Variants in DAB2IP observed in about 807,000 individuals in gnomAD.
DAB2IP encodes the protein disabled homolog 2-interacting protein.
DAB2IP carries 28 observed loss-of-function variants against 107.2 expected under a neutral mutation model. That is an observed-to-expected ratio of 0.26 (90% CI 0.19 to 0.36). The LOEUF (loss-of-function observed/expected upper bound fraction) is 0.36. DAB2IP is among the 10% of genes least tolerant of loss of function. The probability of loss-of-function intolerance (pLI) is 1.00; values close to 1 mark genes in which losing one functional copy is unlikely to be tolerated. For missense variants in DAB2IP, 1,400 were observed against 1,644.7 expected (o/e 0.85, Z 2.57); for synonymous variants, 755 against 706.4 (o/e 1.07, Z -1.09).
At chr9:121,641,823 CTCTTTCTTTCTTTTCTTTCTTTCTTTT>C (rs1253661846) in intron 1 of DAB2IP, among the ~76,000 whole-genome samples, 2 of 151,730 alleles carry the variant, frequency 1.3e-5, no homozygotes, top group Admixed American at 6.6e-5. Flanking sequence ...TTCTTCCTTC[CTCTTTCTTTCTTTTCTTTCTTTCTTTT>C]TCTTTCTTTC....
At chr9:121,602,236 C>G (rs1327306498) in intron 1 of DAB2IP, among the ~76,000 whole-genome samples, 2 of 152,180 alleles carry the variant, frequency 1.3e-5, no homozygotes, top group Admixed American at 1.3e-4. Context: ...CTGTTCCACC[C>G]ACTGGTGGGT....
Position 121,782,506 on chromosome 9 carries a change from GA to G in DAB2IP, c.*9del. ...AACAGCAGCAATTGTTAACCTGCCT[GA>G]GGAGGGAGGAAGCTACCCAAGGAGA... On this transcript the variant is annotated 3_prime_UTR_variant, in exon 16 of 16. Coordinates refer to ENST00000408936, the Ensembl canonical transcript of DAB2IP. The surrounding 1 kb of genome is among the most constrained non-coding windows in gnomAD (Gnocchi z 6.1). 6.2e-7 allele frequency: 1 copy of G among 1,613,016 alleles called. No individual in the cohort carries two copies. Among genetic ancestry groups the G allele is most frequent in the East Asian group, 2.2e-5 (1 of 44,832 alleles).
chr9:121,626,027 G>A (rs7863224), intron 1 of DAB2IP, among the ~76,000 whole-genome samples: 44,953 of 151,972 alleles, frequency 0.3, 7,475 homozygotes, highest in East Asian at 0.62. Context: ...GGGCTACAGG[G>A]CTGGGGCACA....
chr9:121,680,195 G>C (rs892142436), intron 2 of DAB2IP, among the ~76,000 whole-genome samples: 1 of 152,206 alleles, frequency 6.6e-6, no homozygotes, highest in Admixed American at 6.5e-5. Context: ...GCCTGGCCGA[G>C]TCAAGGTCAC....
chr9:121,573,221 C>A (rs1265940598), intron 1 of DAB2IP, among the ~76,000 whole-genome samples: 1 of 151,980 alleles, frequency 6.6e-6, no homozygotes, highest in Non-Finnish European at 1.5e-5. Flanking sequence ...GGATTACAGG[C>A]ATGCGTCACC....
chr9:121,719,960 G>C (rs988191753), intron 3 of DAB2IP, among the ~76,000 whole-genome samples: 5 of 152,200 alleles, frequency 3.3e-5, no homozygotes, highest in African/African-American at 1.2e-4. Context: ...TGGCCCACAA[G>C]GTTCATTGTT....
intron 2 of DAB2IP, among the ~76,000 whole-genome samples, chr9:121,680,221 C>G (rs1828513411): frequency 6.6e-6 from 1 of 152,166 alleles, no homozygotes; most frequent in Non-Finnish European, 1.5e-5. Context: ...ACCTCCAGTA[C>G]CAGGCCAAAG....
chr9:121,667,746 C>T (rs543454099), intron 1 of DAB2IP, among the ~76,000 whole-genome samples: 3 of 151,846 alleles, frequency 2.0e-5, no homozygotes, highest in African/African-American at 4.8e-5. Context: ...GATCTGCCCA[C>T]CTCGGCCTCC....
At chr9:121,571,069 C>A (rs1438327867) in intron 1 of DAB2IP, among the ~76,000 whole-genome samples, 1 of 152,076 alleles carries the variant, frequency 6.6e-6, no homozygotes. Flanking sequence ...CCCCCAGGGC[C>A]TTTGAGCATC....
Position 121,702,853 on chromosome 9 carries a change from C to T in DAB2IP, c.362+3395C>T, listed in dbSNP as rs1300895412. On this transcript the variant is annotated intron_variant, in intron 3 of 15. Transcript: ENST00000408936. The surrounding 1 kb of genome is among the most constrained non-coding windows in gnomAD (Gnocchi z 4.5). ...TTCTGGGTGACTCTAGCCCTCCACA[C>T]CTGCTGGGAATATGCTTCCTTTGGC... Among the ~76,000 whole-genome samples the T allele has an allele frequency of 1.3e-5, 2 of 152,152 alleles. No individual in the cohort carries two copies. Among genetic ancestry groups the T allele is most frequent in the Non-Finnish European group, 2.9e-5 (2 of 68,018 alleles).
rs569048014 is a variant in DAB2IP at position 121,575,903 on chromosome 9, C to T, written c.40+8675C>T. Among the ~76,000 whole-genome samples the T allele has an allele frequency of 8.4e-4, 128 of 152,058 alleles. 1 individual carries two copies. The highest frequency in any genetic ancestry group is 2.9e-3 in the African/African-American group (120 of 41,432). On this transcript the variant is annotated intron_variant, in intron 1 of 16. Coordinates refer to the DAB2IP transcript ENST00000259371. ...GCAAATGGCCAAGGTGTAGGGAGAC[C>T]CAAGGGGAAGGGTCTCTTGAGGTCC...
intron 3 of DAB2IP, among the ~76,000 whole-genome samples, chr9:121,714,849 G>T (rs1328781411): frequency 6.6e-6 from 1 of 152,258 alleles, no homozygotes; most frequent in Admixed American, 6.5e-5. Flanking sequence ...AAAGGAGTAA[G>T]CTGAGCTCTC....
At chr9:121,588,301 C>T (rs941762741) in intron 1 of DAB2IP, among the ~76,000 whole-genome samples, 12 of 151,978 alleles carry the variant, frequency 7.9e-5, no homozygotes, top group African/African-American at 2.4e-4. Context: ...GTGACCTTGC[C>T]TGATCCCTTC....
intron 3 of DAB2IP, among the ~76,000 whole-genome samples, chr9:121,747,228 A>T (rs1424627718): frequency 1.3e-5 from 2 of 152,022 alleles, no homozygotes; most frequent in African/African-American, 4.8e-5. Context: ...CCTACAGGCC[A>T]GGGAGGGCTG....
At chr9:121,688,211 T>C (rs1341115310) in intron 2 of DAB2IP, among the ~76,000 whole-genome samples, 1 of 151,948 alleles carries the variant, frequency 6.6e-6, no homozygotes, top group Non-Finnish European at 1.5e-5. Context: ...AACGATCAAG[T>C]GGTATTTTGG....
intron 1 of DAB2IP, among the ~76,000 whole-genome samples, chr9:121,583,207 C>T (rs1224716308): frequency 3.3e-5 from 5 of 152,146 alleles, no homozygotes; most frequent in Non-Finnish European, 5.9e-5. Flanking sequence ...GCCAACATGG[C>T]GAAACCCCGT....
chr9:121,653,390 G>A (rs1832840841), intron 1 of DAB2IP, among the ~76,000 whole-genome samples: 1 of 152,022 alleles, frequency 6.6e-6, no homozygotes. Context: ...GCTTAGTACT[G>A]TTAATTCTGT....
intron 2 of DAB2IP, among the ~76,000 whole-genome samples, chr9:121,688,550 G>A (rs1004503888): frequency 6.6e-6 from 1 of 152,140 alleles, no homozygotes; most frequent in African/African-American, 2.4e-5. Context: ...ATCTCTCTCT[G>A]TCTCCAGAGC....
At position 121,576,433 on chromosome 9, in the gene DAB2IP, T is replaced by TCC. The variant is rs376981943; in HGVS notation, c.40+9206_40+9207dup. Among the ~76,000 whole-genome samples the TCC allele has an allele frequency of 1.1e-3, 165 of 152,142 alleles. 5 individuals are homozygous for TCC. Among genetic ancestry groups the TCC allele is most frequent in the African/African-American group, 3.4e-3 (139 of 41,476 alleles). On this transcript the variant is annotated intron_variant, in intron 1 of 16. Coordinates refer to the DAB2IP transcript ENST00000259371. ...TCATCTTAGCCTTCCCTACTACCCC[T>TCC]CCAGCCCGGTCAATCCTGCCCATCC...
Sources: gnomAD v4.1 joint callset for allele counts (sites outside exome capture counted in the v4.1 genomes callset) on GRCh38, gnomAD v4.1.1 for gene constraint, Gnocchi (gnomAD v3.1) non-coding constraint, MANE v1.5 for transcripts, NCBI Gene and HGNC (gene_info 2026-07-23, HGNC 2026-07-21) for gene names.